Variants in CACNA2D3 observed in about 807,000 individuals in gnomAD.
CACNA2D3 encodes voltage-dependent calcium channel subunit alpha-2/delta-3.
CACNA2D3 carries 60 observed loss-of-function variants against 160.6 expected under a neutral mutation model. The observed-to-expected ratio is 0.37, with a 90% CI of 0.30 to 0.46. The LOEUF is 0.46. CACNA2D3 is among the 20% of genes least tolerant of loss of function. The pLI, the probability that CACNA2D3 is intolerant of heterozygous loss-of-function variation, is 1.00. For synonymous variants in CACNA2D3, 558 were observed against 492.9 expected (o/e 1.13, Z -1.75); for missense variants, 1,205 against 1,365.0 (o/e 0.88, Z 1.85).
chr3:54,438,555 T>C (rs1373521397), intron 4 of CACNA2D3, among the ~76,000 whole-genome samples: 4 of 152,232 alleles, frequency 2.6e-5, no homozygotes, highest in Admixed American at 2.0e-4. Flanking sequence ...GCACATTTCT[T>C]TGTTTAAAGG....
chr3:54,126,655 A>G (rs1699599702), intron 2 of CACNA2D3, among the ~76,000 whole-genome samples: 1 of 152,134 alleles, frequency 6.6e-6, no homozygotes. Context: ...TTCAGTACAG[A>G]ATGGAAGATT....
chr3:54,761,126 C>T (rs984401570), intron 12 of CACNA2D3, among the ~76,000 whole-genome samples: 1 of 152,162 alleles, frequency 6.6e-6, no homozygotes, highest in Non-Finnish European at 1.5e-5. Context: ...ATTCATCTTT[C>T]TTCCCTTGGC....
chr3:54,800,522 A>G (rs1702961322), intron 13 of CACNA2D3, among the ~76,000 whole-genome samples: 2 of 152,228 alleles, frequency 1.3e-5, no homozygotes, highest in African/African-American at 4.8e-5. Flanking sequence ...TGAAAGCTTG[A>G]TGAGAAATGA....
At chr3:54,608,443 G>A (rs1698681808) in intron 9 of CACNA2D3, among the ~76,000 whole-genome samples, 1 of 152,108 alleles carries the variant, frequency 6.6e-6, no homozygotes, top group Admixed American at 6.5e-5. Context: ...GCCTTGTCTG[G>A]TGCATTCTGT....
chr3:54,832,066 C>G (rs1037613611), intron 14 of CACNA2D3, among the ~76,000 whole-genome samples: 20 of 146,512 alleles, frequency 1.4e-4, no homozygotes, highest in African/African-American at 5.1e-4. Context: ...CGTCTCTCCT[C>G]CTCTCTGTTG....
chr3:54,853,855 C>T (rs1699111644), intron 17 of CACNA2D3, among the ~76,000 whole-genome samples: 1 of 152,178 alleles, frequency 6.6e-6, no homozygotes, highest in Non-Finnish European at 1.5e-5. Context: ...ATTCTGCCGG[C>T]CACAGCCTAT....
chr3:54,587,792 A>G (rs1161086116), intron 9 of CACNA2D3, among the ~76,000 whole-genome samples: 3 of 152,202 alleles, frequency 2.0e-5, no homozygotes, highest in East Asian at 1.9e-4. Flanking sequence ...GACTAATCCT[A>G]TAACTATTAA....
intron 2 of CACNA2D3, among the ~76,000 whole-genome samples, chr3:54,284,648 G>T (rs1702964497): frequency 6.6e-6 from 1 of 152,154 alleles, no homozygotes; most frequent in Non-Finnish European, 1.5e-5. Context: ...AGAATAAAGT[G>T]TAAAAAATGA....
chr3:54,336,850 A>G (rs1158777850), intron 3 of CACNA2D3, among the ~76,000 whole-genome samples: 1 of 152,222 alleles, frequency 6.6e-6, no homozygotes, highest in Non-Finnish European at 1.5e-5. Context: ...ATCTATATAA[A>G]TTAAAAGTAT....
chr3:54,590,597 CTTATTATTA>C (rs35084465), intron 9 of CACNA2D3, among the ~76,000 whole-genome samples: 11 of 149,162 alleles, frequency 7.4e-5, no homozygotes, highest in African/African-American at 9.9e-5. Flanking sequence ...TGGCATTTCT[CTTATTATTA>C]TTATTATTAT....
intron 2 of CACNA2D3, among the ~76,000 whole-genome samples, chr3:54,144,566 T>C (rs1392541656): frequency 1.3e-5 from 2 of 152,230 alleles, no homozygotes; most frequent in Non-Finnish European, 1.5e-5. Context: ...ACAGATTTGG[T>C]TGGACCAAAT....
intron 4 of CACNA2D3, among the ~76,000 whole-genome samples, chr3:54,424,310 T>TCCTA (rs1375636124): frequency 6.6e-6 from 1 of 152,134 alleles, no homozygotes; most frequent in Non-Finnish European, 1.5e-5. Context: ...GAGGAGAAGC[T>TCCTA]CCTAGCTCCT....
chr3:54,556,512 G>A (rs1228550036), intron 5 of CACNA2D3, among the ~76,000 whole-genome samples: 1 of 152,164 alleles, frequency 6.6e-6, no homozygotes, highest in East Asian at 1.9e-4. Flanking sequence ...ATCCTGAATT[G>A]TGAGGGAATA....
intron 9 of CACNA2D3, among the ~76,000 whole-genome samples, chr3:54,584,333 T>C (rs570437077): frequency 3.9e-5 from 6 of 152,284 alleles, no homozygotes; most frequent in Admixed American, 2.0e-4. Context: ...CCCAAAGGAA[T>C]AGAAGTTATA....
At chr3:54,160,998 C>G (rs1426430029) in intron 2 of CACNA2D3, among the ~76,000 whole-genome samples, 1 of 152,108 alleles carries the variant, frequency 6.6e-6, no homozygotes, top group African/African-American at 2.4e-5. Flanking sequence ...CAGCCAGGTG[C>G]CAGGTTTGCA....
chr3:54,362,925 G>T (rs577026064), intron 3 of CACNA2D3, among the ~76,000 whole-genome samples: 1 of 152,202 alleles, frequency 6.6e-6, no homozygotes, highest in African/African-American at 2.4e-5. Flanking sequence ...AGCCAGACAC[G>T]GTGGCTCATG....
At chr3:54,206,348 C>G (rs182535230) in intron 2 of CACNA2D3, among the ~76,000 whole-genome samples, 8 of 152,122 alleles carry the variant, frequency 5.3e-5, no homozygotes, top group African/African-American at 1.9e-4. Context: ...CAGGTTTAAC[C>G]CAGGGGAAAA....
chr3:54,238,086 C>T (rs1487107593), intron 2 of CACNA2D3, among the ~76,000 whole-genome samples: 1 of 152,184 alleles, frequency 6.6e-6, no homozygotes, highest in Non-Finnish European at 1.5e-5. Context: ...AACACTGCTG[C>T]ATACTTTTTT....
At chr3:54,993,684 GAAAGACCA>G (rs1185596167) in intron 31 of CACNA2D3, among the ~76,000 whole-genome samples, 3 of 152,098 alleles carry the variant, frequency 2.0e-5, no homozygotes, top group African/African-American at 7.2e-5. Flanking sequence ...GTGATTTCTG[GAAAGACCA>G]AAGGCTCTTC....
Sources: gnomAD v4.1 joint callset for allele counts (sites outside exome capture counted in the v4.1 genomes callset) on GRCh38, gnomAD v4.1.1 for gene constraint, MANE v1.5 for transcripts, NCBI Gene and HGNC (gene_info 2026-07-23, HGNC 2026-07-21) for gene names.